The following ENAH variants were observed in gnomAD, a reference collection of about 807,000 sequenced individuals.
The protein encoded by ENAH is ENAH actin regulator.
ENAH carries 23 observed loss-of-function variants against 78.7 expected under a neutral mutation model. The observed-to-expected ratio is 0.29, with a 90% CI of 0.21 to 0.41. ENAH has a LOEUF of 0.41. Ranked by LOEUF, ENAH falls within the 10% of genes least tolerant of loss-of-function variation. The probability of loss-of-function intolerance (pLI) is 1.00; values close to 1 mark genes in which losing one functional copy is unlikely to be tolerated. For synonymous variants in ENAH, 226 were observed against 241.0 expected (o/e 0.94, Z 0.58); for missense variants, 544 against 691.0 (o/e 0.79, Z 2.39).
At chr1:225,597,655 CAAA>C (rs565567062) in intron 1 of ENAH, among the ~76,000 whole-genome samples, 4,703 of 60,900 alleles carry the variant, frequency 0.077, 89 homozygotes, top group South Asian at 0.18. Context: ...AAGAGCATCT[CAAA>C]AAAAAAAAAA....
intron 1 of ENAH, among the ~76,000 whole-genome samples, chr1:225,611,342 A>T (rs1291747791): frequency 6.6e-6 from 1 of 152,112 alleles, no homozygotes; most frequent in African/African-American, 2.4e-5. Context: ...TTATTGAGAC[A>T]GAGTCTTGCT....
chr1:225,510,484 G>A (rs931077850), intron 10 of ENAH, among the ~76,000 whole-genome samples: 1 of 152,028 alleles, frequency 6.6e-6, no homozygotes, highest in Non-Finnish European at 1.5e-5. Flanking sequence ...CTTACAGAAA[G>A]AAGGATAAAG....
chr1:225,565,445 A>T (rs1281269538), intron 2 of ENAH, among the ~76,000 whole-genome samples: 1 of 149,490 alleles, frequency 6.7e-6, no homozygotes, highest in Non-Finnish European at 1.5e-5. Flanking sequence ...CAAATAATAA[A>T]AAAAAAAAAG....
intron 6 of ENAH, among the ~76,000 whole-genome samples, chr1:225,516,864 ACT>A (rs1428638734): frequency 1.3e-5 from 2 of 150,902 alleles, no homozygotes; most frequent in South Asian, 2.1e-4. Flanking sequence ...ACACAGCAAG[ACT>A]CTGTCTCAAA....
intron 1 of ENAH, among the ~76,000 whole-genome samples, chr1:225,603,302 A>G (rs1004907501): frequency 4.6e-5 from 7 of 152,160 alleles, no homozygotes; most frequent in Admixed American, 3.9e-4. Context: ...GTTTAACTAC[A>G]CCGATGGCTC....
At chr1:225,578,150 G>A (rs1310351827) in intron 1 of ENAH, among the ~76,000 whole-genome samples, 1 of 152,048 alleles carries the variant, frequency 6.6e-6, no homozygotes, top group East Asian at 1.9e-4. Context: ...CAAAAGCTCT[G>A]GAGACCGAAA....
intron 3 of ENAH, among the ~76,000 whole-genome samples, chr1:225,553,350 T>C (rs1217919884): frequency 1.3e-5 from 2 of 152,164 alleles, no homozygotes; most frequent in Non-Finnish European, 2.9e-5. Flanking sequence ...ACAAGAGGAA[T>C]AATAAAATTT....
Position 225,603,298 on chromosome 1 carries a change from C to T in ENAH, c.6-35884G>A, listed in dbSNP as rs549505769. 2.4e-3 allele frequency among the ~76,000 whole-genome samples: 357 copies of T among 151,722 alleles called. 3 individuals carry two copies. The highest frequency in any genetic ancestry group is 3.2e-3 in the Non-Finnish European group (216 of 67,564). On this transcript the variant is annotated intron_variant, in intron 1 of 13. Coordinates refer to ENST00000366843, the MANE Select transcript of ENAH (RefSeq NM_018212.6). ...ACTTCTTAAAAGCTCAAAAGTTTAACTACACCGATGGCTCTTTATTATATA... is the reference window on the plus strand; with the variant it reads ...ACTTCTTAAAAGCTCAAAAGTTTAATTACACCGATGGCTCTTTATTATATA...
At chr1:225,623,016 C>A (rs1657283504) in intron 1 of ENAH, among the ~76,000 whole-genome samples, 1 of 152,252 alleles carries the variant, frequency 6.6e-6, no homozygotes, top group Admixed American at 6.5e-5. Flanking sequence ...CAACTTGAAA[C>A]AGAAAAACTT....
chr1:225,618,202 A>G (rs141274307), intron 1 of ENAH, among the ~76,000 whole-genome samples: 38 of 152,286 alleles, frequency 2.5e-4, no homozygotes, highest in Middle Eastern at 3.4e-3. Flanking sequence ...TCTCATCCAA[A>G]CATCCCCCGG....
At chr1:225,651,653 A>G (rs1255422740) in intron 1 of ENAH, among the ~76,000 whole-genome samples, 1 of 152,184 alleles carries the variant, frequency 6.6e-6, no homozygotes, top group Non-Finnish European at 1.5e-5. Context: ...ACAATTGTTT[A>G]ACCCAAAAGG....
At chr1:225,532,576 T>C (rs533165493) in intron 3 of ENAH, among the ~76,000 whole-genome samples, 45 of 152,120 alleles carry the variant, frequency 3.0e-4, no homozygotes, top group African/African-American at 9.6e-4. Context: ...AATTCAAATA[T>C]ATAGATTCAA....
At chr1:225,649,339 C>G (rs1662547199) in intron 1 of ENAH, among the ~76,000 whole-genome samples, 1 of 151,832 alleles carries the variant, frequency 6.6e-6, no homozygotes, top group Non-Finnish European at 1.5e-5. Flanking sequence ...CTTCTGAGCT[C>G]TCCTTAGCCA....
chr1:225,550,363 G>A (rs2096635584), intron 3 of ENAH, among the ~76,000 whole-genome samples: 1 of 152,146 alleles, frequency 6.6e-6, no homozygotes, highest in African/African-American at 2.4e-5. Context: ...TGTGACATCA[G>A]GCAAGGGACA....
At chr1:225,517,707 T>G (rs1026280196) in intron 5 of ENAH, 1 of 1,550,834 alleles carries the variant, frequency 6.4e-7, no homozygotes, top group Admixed American at 2.0e-5. Context: ...GAGAAGAAGG[T>G]CGAGAGTTTT....
chr1:225,592,034 T>C (rs531360548), intron 1 of ENAH, among the ~76,000 whole-genome samples: 87 of 152,310 alleles, frequency 5.7e-4, no homozygotes, highest in Middle Eastern at 3.4e-3. Flanking sequence ...TAATACCTCA[T>C]GGATCTGTTG....
chr1:225,615,002 C>T (rs1270240621), intron 1 of ENAH, among the ~76,000 whole-genome samples: 1 of 151,780 alleles, frequency 6.6e-6, no homozygotes, highest in African/African-American at 2.4e-5. Flanking sequence ...CGGTCTCCCT[C>T]TCCCTCCACG....
chr1:225,519,089 T>C, intron 5 of ENAH, 109 bp downstream of exon 5: 1 of 1,468,714 alleles, frequency 6.8e-7, no homozygotes, highest in Non-Finnish European at 9.1e-7. Context: ...TCAAATTGTA[T>C]GGCTTAATCC....
intron 1 of ENAH, among the ~76,000 whole-genome samples, chr1:225,595,045 T>C (rs1248053040): frequency 6.6e-6 from 1 of 152,062 alleles, no homozygotes; most frequent in Non-Finnish European, 1.5e-5. Flanking sequence ...TTAGGTAAAT[T>C]TTAATCAGCC....
Sources: gnomAD v4.1 joint callset for allele counts (sites outside exome capture counted in the v4.1 genomes callset) on GRCh38, gnomAD v4.1.1 for gene constraint, MANE v1.5 for transcripts, NCBI Gene and HGNC (gene_info 2026-07-23, HGNC 2026-07-21) for gene names.